Variants in MATR3 observed in about 807,000 individuals in gnomAD.
The protein encoded by MATR3 is matrin 3.
Under a neutral mutation model 85.5 loss-of-function variants are expected in MATR3, and 4 were observed. The observed-to-expected ratio is 0.05, with a 90% CI of 0.02 to 0.11. The LOEUF (loss-of-function observed/expected upper bound fraction) is 0.11. Ranked by LOEUF, MATR3 falls within the 10% of genes least tolerant of loss-of-function variation. The pLI, the probability that MATR3 is intolerant of heterozygous loss-of-function variation, is 1.00. For missense variants in MATR3, 685 were observed against 1,016.1 expected, an observed-to-expected ratio of 0.67 and a Z score of 4.43; for synonymous variants, 336 against 343.1, an observed-to-expected ratio of 0.98 and a Z score of 0.23.
rs1755803312 is a variant in MATR3 at position 139,325,445 on chromosome 5, C to T, written c.2154C>T (p.Asp718=). 5.6e-6 allele frequency: 9 copies of T among 1,613,940 alleles called. No individual in the cohort carries two copies. Among genetic ancestry groups the T allele is most frequent in the Non-Finnish European group, 7.6e-6 (9 of 1,180,036 alleles). ...AAAKKKLKKV[D]KIEELDQENE... The stretch of plus-strand genomic sequence containing the variant: ...ATGGTTTGGTTGAAATTAAGGTGGA[C>T]AAGATCGAGGAACTTGATCAAGAAA... Residue 718 remains aspartate, a synonymous_variant, in exon 13 of 15, where the codon GAC becomes GAT. Coordinates refer to ENST00000394805, the MANE Select transcript of MATR3 (RefSeq NM_018834.6).
At chr5:139,286,327 ATCT>A (rs1211335318) in intron 3 of MATR3, among the ~76,000 whole-genome samples, 3 of 151,908 alleles carry the variant, frequency 2.0e-5, no homozygotes, top group East Asian at 1.9e-4. Context: ...ATCATAGGCA[ATCT>A]TCTTTTTAAA....
chr5:139,297,554 C>T (rs1229254486), intron 1 of MATR3, among the ~76,000 whole-genome samples: 2 of 152,046 alleles, frequency 1.3e-5, no homozygotes, highest in Non-Finnish European at 2.9e-5. Context: ...TAGGTTTTAA[C>T]GCATTTCTAT....
chr5:139,322,129 TATTGAAACCTA>T, intron 10 of MATR3, 100 bp downstream of exon 10: 2 of 1,293,710 alleles, frequency 1.5e-6, no homozygotes, highest in Non-Finnish European at 2.2e-6. Flanking sequence ...AATACAGGAT[TATTGAAACCTA>T]TTGAAATAAG....
intron 1 of MATR3, among the ~76,000 whole-genome samples, chr5:139,295,891 A>C (rs1054206691): frequency 6.6e-6 from 1 of 152,078 alleles, no homozygotes; most frequent in Non-Finnish European, 1.5e-5. Context: ...TCAGTGGCTC[A>C]CGGCTCACAG....
chr5:139,328,475 C>T (rs1324415300), intron 14 of MATR3, among the ~76,000 whole-genome samples: 2 of 152,256 alleles, frequency 1.3e-5, no homozygotes, highest in Non-Finnish European at 2.9e-5. Context: ...GAAACTCTAG[C>T]AGTCACAGGT....
chr5:139,290,309 A>G (rs972240577), upstream of MATR3, among the ~76,000 whole-genome samples: 5 of 151,202 alleles, frequency 3.3e-5, no homozygotes, highest in African/African-American at 1.2e-4. Context: ...ACACCCAGCT[A>G]ATTTTTTATA....
Position 139,319,477 on chromosome 5 carries a change from C to T in MATR3, c.1578C>T (p.Tyr526=), listed in dbSNP as rs1196732510. ...AGCCTTATGGGAAAATAAAGAATTACATATTGATGAGGATGAAAAGTCAGG... is the reference window on the plus strand; with the variant it reads ...AGCCTTATGGGAAAATAAAGAATTATATATTGATGAGGATGAAAAGTCAGG... ...LAEPYGKIKN[Y]ILMRMKSQAF... The change falls in exon 9 of 15, where the codon TAC becomes TAT. Residue 526 remains tyrosine, a synonymous_variant. Coordinates refer to ENST00000394805, the MANE Select transcript of MATR3 (RefSeq NM_018834.6). The T allele has an allele frequency of 1.9e-6, 3 of 1,613,390 alleles. No individual in the cohort carries two copies. The highest frequency in any genetic ancestry group is 2.5e-6 in the Non-Finnish European group (3 of 1,179,768).
At chr5:139,296,365 G>GT (rs1424891330) in intron 1 of MATR3, among the ~76,000 whole-genome samples, 1 of 152,048 alleles carries the variant, frequency 6.6e-6, no homozygotes, top group Admixed American at 6.6e-5. Flanking sequence ...TCGTTTGATT[G>GT]TTTTTTAAAC....
chr5:139,300,776 GGGAT>G (rs1418399124), intron 1 of MATR3, among the ~76,000 whole-genome samples: 2 of 152,174 alleles, frequency 1.3e-5, no homozygotes, highest in Admixed American at 6.5e-5. Context: ...CCCAGTAGCT[GGGAT>G]TACAGGCACA....
intron 14 of MATR3, among the ~76,000 whole-genome samples, chr5:139,328,831 C>G (rs779821953): frequency 6.6e-6 from 1 of 152,048 alleles, no homozygotes. Flanking sequence ...GTGAAAACCC[C>G]GTCTCTACCA....
chr5:139,285,959 G>A (rs1753687846), intron 3 of MATR3, among the ~76,000 whole-genome samples: 1 of 152,112 alleles, frequency 6.6e-6, no homozygotes, highest in South Asian at 2.1e-4. Flanking sequence ...GCAGAATAAA[G>A]GGCAGAAAGT....
chr5:139,311,620 A>G (rs976979587), intron 2 of MATR3: 7 of 152,154 alleles, frequency 4.6e-5, no homozygotes, highest in Non-Finnish European at 7.3e-5. Context: ...TCTAGCTCCT[A>G]TGAAATAGAA....
intron 3 of MATR3, among the ~76,000 whole-genome samples, chr5:139,280,952 T>C (rs187930846): frequency 1.3e-5 from 2 of 152,284 alleles, no homozygotes; most frequent in Non-Finnish European, 2.9e-5. Context: ...TACTTATCCC[T>C]GTCGATTTTT....
At chr5:139,298,711 A>G (rs1293883153) in intron 1 of MATR3, among the ~76,000 whole-genome samples, 1 of 152,208 alleles carries the variant, frequency 6.6e-6, no homozygotes, top group South Asian at 2.1e-4. Flanking sequence ...GGAAAAGGCT[A>G]TCAGTTTTAA....
Position 139,307,744 on chromosome 5 carries a change from A to C in MATR3, c.329A>C (p.Asn110Thr), listed in dbSNP as rs1433371817. Residue 110 changes from asparagine to threonine, a missense_variant, in exon 2 of 15, where the codon AAC (asparagine) becomes ACC (threonine). By Grantham distance (65) the Asn-to-Thr change is moderately conservative (BLOSUM62 0). Transcript: ENST00000394805. This position sits in a 1 kb window ranked among gnomAD's most constrained non-coding sequence, Gnocchi z 4.4. ...CGTGGAGATGCAGACCAGGCCAGTA[A>C]CATTTTGGCCAGCTTTGGTCTGTCT... ...QHRGDADQAS[N>T]ILASFGLSAR... The C allele has an allele frequency of 1.2e-6, 2 of 1,614,032 alleles. No individual in the cohort carries two copies. The highest frequency in any genetic ancestry group is 2.7e-5 in the African/African-American group (2 of 74,910).
intron 3 of MATR3, among the ~76,000 whole-genome samples, chr5:139,281,634 G>A (rs1367997858): frequency 6.6e-6 from 1 of 151,974 alleles, no homozygotes; most frequent in Non-Finnish European, 1.5e-5. Flanking sequence ...TTACAGGTGT[G>A]AGCTACCACA....
At chr5:139,278,835 G>C (rs761125546) in intron 2 of MATR3, 1 of 517,276 alleles carries the variant, frequency 1.9e-6, no homozygotes, top group Non-Finnish European at 3.8e-6. Context: ...GTGTTACACT[G>C]TTGGAAGAGC....
At position 139,309,709 on chromosome 5, in the gene MATR3, G is replaced by A. The variant is rs573761590; in HGVS notation, c.912+1382G>A. ...AAATTTTAATTGGTATATGTTTTGG[G>A]TGTTACCTTTTCCTAAATTTGTTGG... On this transcript the variant is annotated intron_variant, in intron 2 of 14. Coordinates refer to ENST00000394805, the MANE Select transcript of MATR3 (RefSeq NM_018834.6). Among the ~76,000 whole-genome samples, 4 of 152,174 alleles carry A rather than the reference G, an allele frequency of 2.6e-5. No homozygotes were observed. In the South Asian group the frequency reaches 6.2e-4, roughly 24 times the overall value.
intron 1 of MATR3, among the ~76,000 whole-genome samples, chr5:139,298,960 A>T (rs1754301036): frequency 6.6e-6 from 1 of 152,250 alleles, no homozygotes; most frequent in African/African-American, 2.4e-5. Flanking sequence ...ATCAGTTTTT[A>T]AAAGCAAGTC....
Sources: allele counts gnomAD v4.1 joint callset (sites outside exome capture counted in the v4.1 genomes callset), GRCh38; gene constraint gnomAD v4.1.1; non-coding constraint Gnocchi (gnomAD v3.1); transcripts MANE v1.5; gene names NCBI Gene and HGNC (gene_info 2026-07-23, HGNC 2026-07-21).